The following EML2 variants were observed in gnomAD, a reference collection of about 807,000 sequenced individuals.
EML2 encodes the protein echinoderm microtubule-associated protein-like 2.
In EML2, 59 loss-of-function variants were observed where a neutral mutation model predicts 84.7. That is an observed-to-expected ratio of 0.70 (90% CI 0.56 to 0.86). The LOEUF (loss-of-function observed/expected upper bound fraction) is 0.86, where lower values mean the gene tolerates loss of function less well. Ranked by LOEUF, EML2 falls within the 40% of genes least tolerant of loss-of-function variation. EML2 has a pLI of 0.00. For synonymous variants in EML2, 352 were observed against 348.9 expected (o/e 1.01, Z -0.10); for missense variants, 818 against 855.6 (o/e 0.96, Z 0.55).
chr19:45,611,754 C>T (rs139296732), intron 18 of EML2, among the ~76,000 whole-genome samples: 2,999 of 152,208 alleles, frequency 0.02, 108 homozygotes, highest in African/African-American at 0.066. Context: ...TCCCAAAGTG[C>T]TGGGATTACA....
At chr19:45,626,145 G>A (rs908739967) in intron 8 of EML2, among the ~76,000 whole-genome samples, 4 of 152,032 alleles carry the variant, frequency 2.6e-5, no homozygotes, top group Non-Finnish European at 4.4e-5. Context: ...CCAGGTAACT[G>A]GGATTACAGG....
At chr19:45,641,705 G>A, upstream of EML2, 1 of 1,535,988 alleles carries the variant, frequency 6.5e-7, no homozygotes, top group Non-Finnish European at 8.7e-7. Context: ...TCCTCACGGC[G>A]CACCGAGGCG....
At chr19:45,639,081 G>A (rs1008709789) in intron 1 of EML2, 2 of 749,000 alleles carry the variant, frequency 2.7e-6, no homozygotes, top group East Asian at 2.5e-5. Flanking sequence ...GGCAGTGATC[G>A]CCAAAGATCA....
upstream of EML2, chr19:45,642,083 G>A (rs1168634333): frequency 4.8e-6 from 7 of 1,452,886 alleles, no homozygotes; most frequent in East Asian, 1.7e-4. Context: ...GTGAGTATAA[G>A]GACCAGGCCC....
upstream of EML2, chr19:45,641,412 G>C (rs1974483967): frequency 1.8e-6 from 1 of 541,774 alleles, no homozygotes; most frequent in African/African-American, 1.9e-5. Flanking sequence ...TGACCGTCCA[G>C]CTTCTAAAAA....
Position 45,609,674 on chromosome 19 carries a change from G to T in EML2, c.1939C>A (p.Arg647=). The T allele has an allele frequency of 6.2e-7, 1 of 1,603,692 alleles. No homozygotes were observed. The highest frequency in any genetic ancestry group is 8.5e-7 in the Non-Finnish European group (1 of 1,176,494). ...CTTCCCTGGCCGCATCAGACCACCCGCCACTGTAGCACACTGGTGTCCTTG... is the reference window on the plus strand; with the variant it reads ...CTTCCCTGGCCGCATCAGACCACCCTCCACTGTAGCACACTGGTGTCCTTG... The part of the protein sequence containing the change: ...GGKDTSVLQW[R]VV Residue 647 remains arginine (R), a synonymous_variant, in exon 19 of 19, where the codon CGG becomes AGG. Transcript: ENST00000245925.
At position 45,616,557 on chromosome 19, in the gene EML2, G is replaced by A. The variant is rs1438530648; in HGVS notation, c.1413C>T (p.Asp471=). The change falls in exon 15 of 19, where the codon GAC becomes GAT. Residue 471 remains aspartate (D), a splice_region_variant and synonymous_variant. Transcript: ENST00000245925. ...GGGAGCCCACGGCCAGGTACGCCCC[G>A]TCTGGGGGAGGGGGAGGGGGGCTAT... ...EQISVVSFSP[D]GAYLAVGSHD... The A allele has an allele frequency of 6.8e-6, 11 of 1,608,772 alleles. No homozygotes were observed. Among genetic ancestry groups the A allele is most frequent in the African/African-American group, 4.0e-5 (3 of 74,806 alleles).
intron 12 of EML2, 42 bp downstream of exon 12, chr19:45,619,018 G>A (rs775646719): frequency 8.4e-6 from 13 of 1,550,976 alleles, no homozygotes; most frequent in East Asian, 6.9e-5. Flanking sequence ...GGGAAAGGTA[G>A]TTCTGTTAGA....
In EML2 at chr19:45,626,735, G is replaced by T. The variant is rs1427877610; in HGVS notation, c.711C>A (p.Gly237=). The T allele has an allele frequency of 1.2e-6, 2 of 1,613,662 alleles. No individual in the cohort carries two copies. The highest frequency in any genetic ancestry group is 1.6e-4 in the Middle Eastern group (1 of 6,062). The change falls in exon 8 of 19, where the codon GGC becomes GGA. Residue 237 remains glycine, a synonymous_variant. Transcript: ENST00000245925. ...SHIYFWTLEG[G]SLSKRQGLFE... is the part of the protein sequence containing the mutation. ...AGAGGCCTTGCCGCTTGCTCAAGCTGCCCCCCTCCAAGGTCCAGAAGTAGA... is the reference window on the plus strand; with the variant it reads ...AGAGGCCTTGCCGCTTGCTCAAGCTTCCCCCCTCCAAGGTCCAGAAGTAGA...
upstream of EML2, chr19:45,643,452 C>T: frequency 1.6e-6 from 2 of 1,250,260 alleles, no homozygotes; most frequent in East Asian, 2.6e-5. Context: ...AGATTTGGCT[C>T]TCCAGCCTAT....
At position 45,621,593 on chromosome 19, in the gene EML2, C is replaced by T. The variant is rs757830511; in HGVS notation, c.886G>A (p.Gly296Ser). The T allele has an allele frequency of 2.2e-5, 36 of 1,611,036 alleles. No homozygotes were observed. The highest frequency in any genetic ancestry group is 9.9e-5 in the South Asian group (9 of 91,060). ...TQAVLGAHDG[G>S]VFGLCALRDG... Reference sequence around the variant, plus strand: ...CGCAGGGCGCAGAGCCCAAACACGCCGCCGTCGTGGGCGCCCAGCACCGCC... The same window carrying T: ...CGCAGGGCGCAGAGCCCAAACACGCTGCCGTCGTGGGCGCCCAGCACCGCC... Residue 296 changes from glycine (G) to serine (S), a missense_variant, in exon 10 of 19, where the codon GGC becomes AGC. Coordinates refer to ENST00000245925, the MANE Select transcript of EML2 (RefSeq NM_012155.4).
intron 13 of EML2, 23 bp downstream of exon 13, chr19:45,617,607 C>G (rs200182275): frequency 1.9e-5 from 30 of 1,608,526 alleles, no homozygotes; most frequent in Non-Finnish European, 2.5e-5. Context: ...GAAGGCCTCC[C>G]GAAATGCTCT....
chr19:45,636,560 G>A (rs1302240518), intron 3 of EML2, among the ~76,000 whole-genome samples: 3 of 152,174 alleles, frequency 2.0e-5, no homozygotes, highest in Admixed American at 6.5e-5. Flanking sequence ...CAATGAGTCT[G>A]TTCCCATGCT....
chr19:45,630,295 T>G (rs551631752), intron 6 of EML2, among the ~76,000 whole-genome samples: 1 of 152,088 alleles, frequency 6.6e-6, no homozygotes, highest in East Asian at 1.9e-4. Flanking sequence ...GGCTCACACC[T>G]GTAATCCCAG....
chr19:45,642,249 C>T (rs1302296321), upstream of EML2: 2 of 1,535,944 alleles, frequency 1.3e-6, no homozygotes, highest in Non-Finnish European at 1.7e-6. Flanking sequence ...CCGCCAGCGC[C>T]GCCTTTAGGA....
At chr19:45,615,408 C>T (rs1487267041) in intron 16 of EML2, among the ~76,000 whole-genome samples, 2 of 151,014 alleles carry the variant, frequency 1.3e-5, no homozygotes, top group Non-Finnish European at 2.9e-5. Flanking sequence ...ATCCCAGCTA[C>T]TCAGGAGGCT....
chr19:45,640,708 C>A (rs1159537683), upstream of EML2: 2 of 152,154 alleles, frequency 1.3e-5, no homozygotes, highest in Non-Finnish European at 2.9e-5. Flanking sequence ...TGAGCCACCG[C>A]GCCAGGCCTA....
Position 45,621,275 on chromosome 19 carries a change from A to G in EML2, c.1054T>C (p.Tyr352His). 1 of 1,613,950 alleles carries G rather than the reference A, an allele frequency of 6.2e-7. No homozygotes were observed. The highest frequency in any genetic ancestry group is 8.5e-7 in the Non-Finnish European group (1 of 1,179,912). ...TVAEGHGDTL[Y>H]VGTTRNSILQ... is the part of the protein sequence containing the mutation. ...ATGGAATTGCGGGTGGTCCCCACGT[A>G]CAGTGTGTCTCCGTGGCCCTCTGCC... Residue 352 changes from tyrosine to histidine, a missense_variant, in exon 11 of 19, where the codon TAC (tyrosine) becomes CAC (histidine). Tyr to His is a moderately conservative substitution (Grantham distance 83). Coordinates refer to ENST00000245925, the MANE Select transcript of EML2 (RefSeq NM_012155.4).
At chr19:45,615,519 AAATAATAATAATAAT>A (rs56322389) in intron 16 of EML2, among the ~76,000 whole-genome samples, 3 of 139,202 alleles carry the variant, frequency 2.2e-5, no homozygotes, top group African/African-American at 5.4e-5. Flanking sequence ...CTCCGTCTCA[AAATAATAATAATAAT>A]AATAATAATA....
Sources: gnomAD v4.1 joint callset for allele counts (sites outside exome capture counted in the v4.1 genomes callset) on GRCh38, gnomAD v4.1.1 for gene constraint, MANE v1.5 for transcripts, NCBI Gene and HGNC (gene_info 2026-07-23, HGNC 2026-07-21) for gene names.